The following PLEKHM2 variants were observed in gnomAD, a reference collection of about 807,000 sequenced individuals.
PLEKHM2 encodes pleckstrin homology domain-containing family M member 2.
In PLEKHM2, 77 loss-of-function variants were observed where a neutral mutation model predicts 116.3. The observed-to-expected ratio is 0.66, with a 90% CI of 0.55 to 0.80. The LOEUF is 0.80. PLEKHM2 is among the 30% of genes least tolerant of loss of function. The pLI is 0.00. For missense variants in PLEKHM2, 1,183 were observed against 1,354.9 expected, an observed-to-expected ratio of 0.87 and a Z score of 1.99; for synonymous variants, 562 against 571.0, an observed-to-expected ratio of 0.98 and a Z score of 0.22.
intron 1 of PLEKHM2, among the ~76,000 whole-genome samples, chr1:15,714,413 A>G (rs1486047072): frequency 6.6e-6 from 1 of 150,628 alleles, no homozygotes; most frequent in African/African-American, 2.4e-5. Flanking sequence ...AGTGTGCAGT[A>G]ATGTTTCCAG....
In PLEKHM2 at chr1:15,684,510, G is replaced by GGGC. The variant is rs767880122; in HGVS notation, c.-37_-35dup. 590,106 of 973,984 alleles carry GGGC rather than the reference G, an allele frequency of 0.61. 177,291 individuals are homozygous for GGGC. The highest frequency in any genetic ancestry group is 0.75 in the African/African-American group (41,657 of 55,440). 60.3% of individuals were successfully genotyped at this position (973,984 alleles called of 1,614,324 possible). On this transcript the variant is annotated 5_prime_UTR_variant, in exon 1 of 20. Transcript: ENST00000375799. ...GCCCCCGGCGCGGGAAGCGGCGGCG[G>GGGC]GGCGGCGGCGGCGGTGGCGGTGGCG...
intron 1 of PLEKHM2, among the ~76,000 whole-genome samples, chr1:15,694,289 C>T (rs1172896820): frequency 6.6e-6 from 1 of 151,860 alleles, no homozygotes; most frequent in African/African-American, 2.4e-5. Context: ...GTGGAGGTCG[C>T]AGTGAGCCAA....
At position 15,730,562 on chromosome 1, in the gene PLEKHM2, CT is replaced by C; in HGVS notation, c.2241del (p.Val748CysfsTer72). 1 of 1,601,166 alleles carries C rather than the reference CT, an allele frequency of 6.2e-7. No individual in the cohort carries two copies. Among genetic ancestry groups the C allele is most frequent in the Non-Finnish European group, 8.5e-7 (1 of 1,174,712 alleles). On this transcript the variant is annotated frameshift_variant, in exon 15 of 20. Coordinates refer to ENST00000375799, the MANE Select transcript of PLEKHM2 (RefSeq NM_015164.4). LOFTEE classifies it high-confidence loss of function. ...ASAVTVRFYG[L>X]VHWEDPTDES... ...TGCTGTCACCGTGCGCTTCTACGGC[CT>C]TGTGCACTGGGAGGACCCCACAGAC...
At chr1:15,708,675 G>A (rs1399805446) in intron 1 of PLEKHM2, among the ~76,000 whole-genome samples, 4 of 152,062 alleles carry the variant, frequency 2.6e-5, no homozygotes, top group Non-Finnish European at 4.4e-5. Context: ...CTCCTTCACT[G>A]GCCTCCCAAA....
chr1:15,682,624 C>CAAACA (rs1157461287), upstream of PLEKHM2, among the ~76,000 whole-genome samples: 4 of 66,282 alleles, frequency 6.0e-5, no homozygotes, highest in African/African-American at 1.3e-4. Context: ...GTCTCAAAAA[C>CAAACA]AAACAAAACA....
intron 1 of PLEKHM2, among the ~76,000 whole-genome samples, chr1:15,685,557 A>AAAAAG (rs1553157089): frequency 3.4e-5 from 5 of 147,950 alleles, no homozygotes; most frequent in African/African-American, 1.3e-4. Flanking sequence ...AAAAAAAAAA[A>AAAAAG]AAAGAAAGAA....
chr1:15,691,323 C>T (rs1171723639), intron 1 of PLEKHM2, among the ~76,000 whole-genome samples: 4 of 152,142 alleles, frequency 2.6e-5, no homozygotes, highest in South Asian at 2.1e-4. Flanking sequence ...CCTCCCACCT[C>T]GGCCTGCATA....
At chr1:15,715,622 C>CA (rs1571049409) in intron 1 of PLEKHM2, among the ~76,000 whole-genome samples, 1 of 152,176 alleles carries the variant, frequency 6.6e-6, no homozygotes, top group East Asian at 1.9e-4. Flanking sequence ...GCCTGGGCGA[C>CA]AGAACAAGAC....
Position 15,703,010 on chromosome 1 carries a change from G to A in PLEKHM2, c.61-13227G>A, listed in dbSNP as rs531785007. Among the ~76,000 whole-genome samples the A allele has an allele frequency of 1.2e-4, 19 of 152,244 alleles. No homozygotes were observed. The East Asian group carries it at 1.7e-3, about 14-fold the overall frequency. ...CTCCCAAAGTGCTGGAATTACAGGC[G>A]TGAGCCACAGCGCCCAGCCCTCAGG... On this transcript the variant is annotated intron_variant, in intron 1 of 19. Coordinates refer to ENST00000375799, the MANE Select transcript of PLEKHM2 (RefSeq NM_015164.4).
intron 17 of PLEKHM2, 92 bp from the exon 18 acceptor site, chr1:15,732,244 TCCCTGGAGGGAGAG>T: frequency 2.8e-6 from 3 of 1,059,322 alleles, no homozygotes; most frequent in Non-Finnish European, 4.1e-6. Context: ...TGGAGGGAGA[TCCCTGGAGGGAGAG>T]CAGAAGGGCT....
intron 4 of PLEKHM2, among the ~76,000 whole-genome samples, chr1:15,718,334 G>A (rs1342370304): frequency 6.6e-6 from 1 of 152,274 alleles, no homozygotes; most frequent in Non-Finnish European, 1.5e-5. Flanking sequence ...CATCTCTGAA[G>A]ACACTGGCAG....
chr1:15,727,893 C>A lies in PLEKHM2; in HGVS notation c.1760+61C>A. ...AGCCCTTGAAGCTGGGGACACTGTG[C>A]CTCTGACCTCCAGATAAATTAAGCA... On this transcript the variant is annotated intron_variant, in intron 9 of 19. Transcript: ENST00000375799. This position sits in a 1 kb window ranked among gnomAD's most constrained non-coding sequence, Gnocchi z 7.5. 1 of 1,340,460 alleles carries A rather than the reference C, an allele frequency of 7.5e-7. No homozygotes were observed. Among genetic ancestry groups the A allele is most frequent in the Non-Finnish European group, 1.0e-6 (1 of 974,136 alleles). The allele number at this position is 1,340,460 out of a possible 1,614,324, so 83.0% of individuals were successfully genotyped here.
At position 15,734,283 on chromosome 1, in the gene PLEKHM2, A is replaced by G; in HGVS notation, c.*349A>G. 1 of 240,614 alleles carries G rather than the reference A, an allele frequency of 4.2e-6. No individual in the cohort carries two copies. The highest frequency in any genetic ancestry group is 9.1e-5 in the East Asian group (1 of 11,000). 14.9% of individuals were successfully genotyped at this position (240,614 alleles called of 1,614,324 possible). On this transcript the variant is annotated 3_prime_UTR_variant, in exon 20 of 20. Transcript: ENST00000375799. ...GAACACCATCCATCTAAGGACGAACAAAAGAACCAGGAGGGCGGGACCCCC... is the reference window on the plus strand; with the variant it reads ...GAACACCATCCATCTAAGGACGAACGAAAGAACCAGGAGGGCGGGACCCCC...
chr1:15,727,717 G>A lies in PLEKHM2; in HGVS notation c.1645G>A (p.Val549Ile). ...TGAGCCAGAGCCTGGGACCCAGGAG[G>A]TTCTCTGCCAGCTCAAGCGAGACCA... is the stretch of plus-strand genomic sequence containing the variant. ...VSEPEPGTQE[V>I]LCQLKRDQPS... Residue 549 changes from valine to isoleucine, a missense_variant, in exon 9 of 20, where the codon GTT (valine) becomes ATT (isoleucine). Around this residue, in one of 3 missense-constraint regions of PLEKHM2, gnomAD observed 594 missense variants for 720.1 expected, o/e 0.82. Transcript: ENST00000375799. The surrounding 1 kb of genome is among the most constrained non-coding windows in gnomAD (Gnocchi z 7.5). 2 of 1,597,414 alleles carry A rather than the reference G, an allele frequency of 1.3e-6. No individual in the cohort carries two copies. Among genetic ancestry groups the A allele is most frequent in the Non-Finnish European group, 1.7e-6 (2 of 1,172,866 alleles).
chr1:15,704,739 C>A (rs1342549687), intron 1 of PLEKHM2, among the ~76,000 whole-genome samples: 2 of 152,198 alleles, frequency 1.3e-5, no homozygotes, highest in Non-Finnish European at 2.9e-5. Flanking sequence ...CTCATGGTCC[C>A]AGCACCTCCC....
In PLEKHM2 at chr1:15,730,279, A is replaced by G. The variant is rs1186748902; in HGVS notation, c.2209-253A>G. Among the ~76,000 whole-genome samples the G allele has an allele frequency of 3.3e-5, 5 of 152,190 alleles. No homozygotes were observed. In the East Asian group the frequency reaches 9.6e-4, roughly 29 times the overall value. ...AACATGGCAAAACCCCGTCTCTACT[A>G]AAAATACAAAAATTCAGCCAGGCGT... is the stretch of plus-strand genomic sequence containing the variant. On this transcript the variant is annotated intron_variant, in intron 14 of 19. Coordinates refer to ENST00000375799, the MANE Select transcript of PLEKHM2 (RefSeq NM_015164.4).
intron 1 of PLEKHM2, among the ~76,000 whole-genome samples, chr1:15,713,941 GTTT>G (rs566065077): frequency 3.8e-5 from 4 of 104,134 alleles, no homozygotes; most frequent in African/African-American, 7.2e-5. Flanking sequence ...GCCCAGCCCT[GTTT>G]TTTTTTTTTT....
rs745495220 is a variant in PLEKHM2 at position 15,732,342 on chromosome 1, G to A, written c.2626-8G>A. The A allele has an allele frequency of 2.5e-5, 38 of 1,548,768 alleles. No individual in the cohort carries two copies. The highest frequency in any genetic ancestry group is 1.4e-4 in the Admixed American group (7 of 50,904). ...CCCCAGCCTGCCTCTCCCCTGCCCC[G>A]CTGCCAGGTCATCCCCCAGGGCGTA... is the stretch of plus-strand genomic sequence containing the variant. On this transcript the variant is annotated splice_polypyrimidine_tract_variant and splice_region_variant and intron_variant, in intron 17 of 19. Coordinates refer to ENST00000375799, the MANE Select transcript of PLEKHM2 (RefSeq NM_015164.4).
At chr1:15,712,828 T>C (rs537143686) in intron 1 of PLEKHM2, among the ~76,000 whole-genome samples, 7 of 151,732 alleles carry the variant, frequency 4.6e-5, no homozygotes, top group Admixed American at 2.6e-4. Flanking sequence ...CTTATTTTTA[T>C]TTTTATTTTT....
Sources: gnomAD v4.1 joint callset for allele counts (sites outside exome capture counted in the v4.1 genomes callset) on GRCh38, gnomAD v4.1.1 for gene constraint, gnomAD v4.1.1 regional missense constraint, Gnocchi (gnomAD v3.1) non-coding constraint, MANE v1.5 for transcripts, NCBI Gene and HGNC (gene_info 2026-07-23, HGNC 2026-07-21) for gene names.